The following C8orf34 variants were observed in gnomAD, a reference collection of about 807,000 sequenced individuals.
C8orf34 encodes uncharacterized protein C8orf34.
C8orf34 carries 65 observed loss-of-function variants against 68.3 expected under a neutral mutation model. The observed-to-expected ratio is 0.95, with a 90% CI of 0.78 to 1.17. The LOEUF (loss-of-function observed/expected upper bound fraction) is 1.17. C8orf34 is among the 50% of genes most tolerant of loss of function. The pLI, the probability that C8orf34 is intolerant of heterozygous loss-of-function variation, is 0.00. For missense variants in C8orf34, 664 were observed against 655.4 expected (o/e 1.01, Z -0.14); for synonymous variants, 244 against 241.2 (o/e 1.01, Z -0.11).
chr8:68,445,589 T>C (rs182784372), intron 2 of C8orf34, among the ~76,000 whole-genome samples: 5 of 152,280 alleles, frequency 3.3e-5, no homozygotes, highest in Admixed American at 6.5e-5. Context: ...TGATTTAAAT[T>C]TATCTTTCTT....
chr8:68,662,770 T>C (rs1479031250), intron 8 of C8orf34, among the ~76,000 whole-genome samples: 1 of 152,208 alleles, frequency 6.6e-6, no homozygotes, highest in African/African-American at 2.4e-5. Flanking sequence ...TCCCCTTTTT[T>C]TCACTTTTGG....
rs79752207 is a variant in C8orf34 at position 68,565,453 on chromosome 8, C to G, written c.1105+32304C>G. Among the ~76,000 whole-genome samples, 25 of 152,278 alleles carry G rather than the reference C, an allele frequency of 1.6e-4. No homozygotes were observed. In the East Asian group the frequency reaches 4.8e-3, roughly 29 times the overall value. On this transcript the variant is annotated intron_variant, in intron 7 of 13. Transcript: ENST00000518698. ...CAGCTGTCTCTGAGGATATGCAAAGCAGGCCTTTTTTCACCCCTGTTTCCA... is the reference window on the plus strand; with the variant it reads ...CAGCTGTCTCTGAGGATATGCAAAGGAGGCCTTTTTTCACCCCTGTTTCCA...
intron 8 of C8orf34, among the ~76,000 whole-genome samples, chr8:68,665,422 G>T (rs1449196492): frequency 6.6e-6 from 1 of 152,102 alleles, no homozygotes; most frequent in Non-Finnish European, 1.5e-5. Context: ...ACCTCCAGCT[G>T]CAGCTTTCCT....
intron 8 of C8orf34, among the ~76,000 whole-genome samples, chr8:68,664,312 A>G (rs1240775743): frequency 6.6e-6 from 1 of 152,186 alleles, no homozygotes; most frequent in Non-Finnish European, 1.5e-5. Flanking sequence ...AGCTTGGCCT[A>G]TATGCAGAGA....
chr8:68,768,403 C>T (rs1404439567), intron 10 of C8orf34, among the ~76,000 whole-genome samples: 2 of 152,060 alleles, frequency 1.3e-5, no homozygotes, highest in Non-Finnish European at 2.9e-5. Flanking sequence ...TGCTCATTGC[C>T]CCTGAGTTTG....
intron 1 of C8orf34, chr8:68,439,225 G>T: frequency 4.1e-6 from 1 of 241,290 alleles, no homozygotes; most frequent in Non-Finnish European, 7.9e-6. Context: ...TTAATATGTT[G>T]TTGGCTAAGT....
chr8:68,396,741 A>AAAAAG (rs1808727602), intron 1 of C8orf34, among the ~76,000 whole-genome samples: 4 of 143,032 alleles, frequency 2.8e-5, no homozygotes, highest in African/African-American at 8.0e-5. Flanking sequence ...AAAAAAAAAA[A>AAAAAG]GCCTGGTGCC....
chr8:68,354,444 C>A (rs1806658965), intron 1 of C8orf34, among the ~76,000 whole-genome samples: 2 of 152,064 alleles, frequency 1.3e-5, no homozygotes, highest in South Asian at 4.1e-4. Context: ...TGTGCTCAAG[C>A]AATTCTCTTG....
chr8:68,461,289 T>C (rs1811811026), intron 3 of C8orf34, among the ~76,000 whole-genome samples: 1 of 152,198 alleles, frequency 6.6e-6, no homozygotes, highest in African/African-American at 2.4e-5. Context: ...TATGGGACTA[T>C]GTGAAAAGAC....
chr8:68,594,558 T>TA (rs747327238), intron 7 of C8orf34, among the ~76,000 whole-genome samples: 24 of 152,118 alleles, frequency 1.6e-4, no homozygotes, highest in Non-Finnish European at 2.9e-4. Flanking sequence ...GTAGTGAGCA[T>TA]AGCACCCAAT....
intron 1 of C8orf34, among the ~76,000 whole-genome samples, chr8:68,379,720 C>T (rs1156936727): frequency 6.6e-6 from 1 of 152,178 alleles, no homozygotes; most frequent in Non-Finnish European, 1.5e-5. Flanking sequence ...TAAAATAAAC[C>T]TTGTCCAGTG....
intron 5 of C8orf34, 44 bp downstream of exon 5, chr8:68,488,095 A>G (rs1352556707): frequency 7.2e-7 from 1 of 1,380,794 alleles, no homozygotes; most frequent in East Asian, 2.4e-5. Flanking sequence ...TGTAGAACTT[A>G]CCTTTTATTC....
intron 5 of C8orf34, among the ~76,000 whole-genome samples, chr8:68,506,577 TTGAGTTTGTG>T (rs1259834406): frequency 1.3e-5 from 2 of 152,196 alleles, no homozygotes; most frequent in Non-Finnish European, 1.5e-5. Context: ...TTTCTTTTCT[TTGAGTTTGTG>T]TGAGTTTGTT....
intron 8 of C8orf34, among the ~76,000 whole-genome samples, chr8:68,673,716 T>A (rs984298597): frequency 1.3e-5 from 2 of 151,736 alleles, no homozygotes; most frequent in Non-Finnish European, 2.9e-5. Context: ...CTCATCACCC[T>A]AAAGGGAAGG....
At chr8:68,613,443 T>TCCCCCCCC (rs141908753) in intron 7 of C8orf34, among the ~76,000 whole-genome samples, 5 of 130,138 alleles carry the variant, frequency 3.8e-5, no homozygotes, top group African/African-American at 1.2e-4. Flanking sequence ...TCCCTCCCCC[T>TCCCCCCCC]CCCCCCACAC....
chr8:68,707,551 G>A (rs1249268084), intron 8 of C8orf34, among the ~76,000 whole-genome samples: 1 of 152,156 alleles, frequency 6.6e-6, no homozygotes, highest in Non-Finnish European at 1.5e-5. Flanking sequence ...CTTTGTTGGA[G>A]ATTTATTTTC....
At chr8:68,462,853 T>C (rs1365772863) in intron 3 of C8orf34, among the ~76,000 whole-genome samples, 3 of 151,758 alleles carry the variant, frequency 2.0e-5, no homozygotes, top group East Asian at 1.9e-4. Flanking sequence ...AGATCCAAAA[T>C]TGACACCCTA....
At chr8:68,499,755 C>A (rs765934424) in intron 5 of C8orf34, among the ~76,000 whole-genome samples, 9 of 152,164 alleles carry the variant, frequency 5.9e-5, no homozygotes, top group Non-Finnish European at 1.0e-4. Flanking sequence ...AAGGTTAATA[C>A]CTTCAGTGAG....
chr8:68,564,713 C>T lies in C8orf34; in HGVS notation c.1105+31564C>T, dbSNP rs376990111. Among the ~76,000 whole-genome samples the T allele has an allele frequency of 3.9e-5, 6 of 152,200 alleles. No homozygotes were observed. In the East Asian group the frequency reaches 5.8e-4, roughly 15 times the overall value. On this transcript the variant is annotated intron_variant, in intron 7 of 13. Coordinates refer to ENST00000518698, the MANE Select transcript of C8orf34 (RefSeq NM_052958.4). ...GCAAAAGAGAGCCAATGTCAGGTGA[C>T]GGGAAAGATAACAGAGAGGTTTGTC...
Sources: allele counts gnomAD v4.1 joint callset (sites outside exome capture counted in the v4.1 genomes callset), GRCh38; gene constraint gnomAD v4.1.1; transcripts MANE v1.5; gene names NCBI Gene and HGNC (gene_info 2026-07-23, HGNC 2026-07-21).